Variants in CRB1 observed in about 807,000 individuals in gnomAD.
CRB1 encodes crumbs cell polarity complex component 1, also known as protein crumbs homolog 1.
In CRB1, 83 loss-of-function variants were observed where a neutral mutation model predicts 120.0. The observed-to-expected ratio is 0.69, with a 90% confidence interval of 0.58 to 0.83. The LOEUF is 0.83. Ranked by LOEUF, CRB1 falls within the 40% of genes least tolerant of loss-of-function variation. The pLI is 0.00. For missense variants in CRB1, 1,699 were observed against 1,687.6 expected (o/e 1.01, Z -0.12); for synonymous variants, 625 against 612.5 (o/e 1.02, Z -0.30).
chr1:197,287,970 AAAAC>A (rs1655929380), intron 1 of CRB1, among the ~76,000 whole-genome samples: 1 of 151,818 alleles, frequency 6.6e-6, no homozygotes, highest in Non-Finnish European at 1.5e-5. Context: ...TAAGAAATGG[AAAAC>A]AAACAAGGTG....
At chr1:197,346,699 C>A (rs1275177406) in intron 3 of CRB1, among the ~76,000 whole-genome samples, 2 of 152,158 alleles carry the variant, frequency 1.3e-5, no homozygotes, top group South Asian at 2.1e-4. Context: ...ATAAAATCAA[C>A]AACTTTCTTC....
At chr1:197,252,664 A>G in the CRB1 span, among the ~76,000 whole-genome samples, 1 of 144,234 alleles carries the variant, frequency 6.9e-6, no homozygotes, top group Non-Finnish European at 1.5e-5. Flanking sequence ...ATATATATAA[A>G]ATAAAACTTA....
rs1558125058 is a variant in CRB1 at position 197,420,916 on chromosome 1, G to T, written c.1172-84G>T. 6.4e-6 allele frequency: 6 copies of T among 942,184 alleles called. No homozygotes were observed. The East Asian group carries it at 1.2e-4, about 19-fold the overall frequency. 58.4% of individuals were successfully genotyped at this position (942,184 alleles called of 1,614,324 possible). A position where few individuals can be genotyped will look rare whatever the true frequency, so the allele number is the denominator to read the frequency against. On this transcript the variant is annotated intron_variant, in intron 5 of 11. Coordinates refer to ENST00000367400, the MANE Select transcript of CRB1 (RefSeq NM_201253.3). The stretch of plus-strand genomic sequence containing the variant: ...AAACCTGAGCTATTCATGCACTTCT[G>T]CAAGATTATACAAGTAAATTACGTG...
chr1:197,472,937 T>C (rs1667045176), intron 11 of CRB1, among the ~76,000 whole-genome samples: 1 of 152,192 alleles, frequency 6.6e-6, no homozygotes, highest in Admixed American at 6.5e-5. Flanking sequence ...GTATGTCCTA[T>C]GAGAAGCTCT....
the CRB1 span, among the ~76,000 whole-genome samples, chr1:197,217,646 A>G: frequency 6.6e-6 from 1 of 152,170 alleles, no homozygotes; most frequent in African/African-American, 2.4e-5. Context: ...GTAGATTAGT[A>G]GTTGGTAGGG....
Position 197,385,910 on chromosome 1 carries a change from G to A in CRB1, c.1171+28897G>A, listed in dbSNP as rs79651073. Among the ~76,000 whole-genome samples, 110 of 152,118 alleles carry A rather than the reference G, an allele frequency of 7.2e-4. 1 individual carries two copies. In the East Asian group the frequency reaches 0.02, roughly 28 times the overall value. ...CAGAAGTGGTTAAAAAACAATCTAA[G>A]GGCTTGAAATTGTAATTGAGTTAGA... On this transcript the variant is annotated intron_variant, in intron 5 of 11. Coordinates refer to ENST00000367400, the MANE Select transcript of CRB1 (RefSeq NM_201253.3).
intron 9 of CRB1, 78 bp downstream of exon 9, chr1:197,435,690 T>C: frequency 7.8e-7 from 1 of 1,289,616 alleles, no homozygotes; most frequent in South Asian, 1.3e-5. Context: ...TGGAAAGCTC[T>C]CTCCTCAAGG....
intron 1 of CRB1, among the ~76,000 whole-genome samples, chr1:197,293,867 A>G (rs1367432051): frequency 6.6e-6 from 1 of 152,194 alleles, no homozygotes; most frequent in Non-Finnish European, 1.5e-5. Flanking sequence ...CATATGTAGA[A>G]AGCTGAAACT....
chr1:197,285,997 C>T (rs915830576), intron 1 of CRB1, among the ~76,000 whole-genome samples: 1 of 151,710 alleles, frequency 6.6e-6, no homozygotes, highest in Non-Finnish European at 1.5e-5. Flanking sequence ...GAGGTCACAA[C>T]GTTTCCTGTG....
At chr1:197,451,943 A>G (rs1665995068) in intron 11 of CRB1, among the ~76,000 whole-genome samples, 1 of 152,198 alleles carries the variant, frequency 6.6e-6, no homozygotes, top group Non-Finnish European at 1.5e-5. Flanking sequence ...TGACATTTTG[A>G]CTGATAAAAA....
At position 197,427,468 on chromosome 1, in the gene CRB1, A is replaced by G; in HGVS notation, c.2143A>G (p.Arg715Gly). 3 of 1,613,624 alleles carry G rather than the reference A, an allele frequency of 1.9e-6. No homozygotes were observed. The highest frequency in any genetic ancestry group is 2.5e-6 in the Non-Finnish European group (3 of 1,179,900). ...TGACATTGAAGAGTATGTGGCAGGC[A>G]GATTTGGCCAGGATGACTCCACTGG... ...PNCLREYVAG[R>G]FGQDDSTGYV... Residue 715 changes from arginine (R) to glycine (G), a missense_variant, in exon 7 of 12, where the codon AGA becomes GGA. Transcript: ENST00000367400.
the CRB1 span, chr1:197,222,584 G>C: frequency 1.3e-6 from 1 of 769,184 alleles, no homozygotes; most frequent in Non-Finnish European, 2.4e-6. Context: ...CTGTTGTTTT[G>C]CAGTTGGCTC....
chr1:197,449,020 A>G (rs987476532), intron 11 of CRB1, among the ~76,000 whole-genome samples: 2 of 152,214 alleles, frequency 1.3e-5, no homozygotes, highest in African/African-American at 2.4e-5. Context: ...ATCATGATAC[A>G]CTTATAGCTA....
At position 197,461,512 on chromosome 1, in the gene CRB1, T is replaced by C. The variant is rs144494232; in HGVS notation, c.4006-16152T>C. Among the ~76,000 whole-genome samples, 107 of 152,250 alleles carry C rather than the reference T, an allele frequency of 7.0e-4. No individual in the cohort carries two copies. In the East Asian group the frequency reaches 0.02, roughly 28 times the overall value. On this transcript the variant is annotated intron_variant, in intron 11 of 11. Transcript: ENST00000367400. ...GCATTTGAGTGGCTGCCTCTTCAAA[T>C]TAAATATTCTGTGACAGAAGAGTAG...
chr1:197,209,360 T>TTTTG, the CRB1 span, among the ~76,000 whole-genome samples: 3 of 137,988 alleles, frequency 2.2e-5, no homozygotes, highest in Non-Finnish European at 5.0e-5. Context: ...GTTTTGTTTT[T>TTTTG]TTGAGATGGA....
intron 5 of CRB1, among the ~76,000 whole-genome samples, chr1:197,371,416 C>A (rs551799520): frequency 6.6e-6 from 1 of 152,230 alleles, no homozygotes; most frequent in South Asian, 2.1e-4. Flanking sequence ...CTCTACTTCC[C>A]AAGATGAGCC....
chr1:197,461,429 A>G (rs994576220), intron 11 of CRB1, among the ~76,000 whole-genome samples: 1 of 152,142 alleles, frequency 6.6e-6, no homozygotes, highest in African/African-American at 2.4e-5. Context: ...TGGGATGGAA[A>G]GAGCCTGGGG....
chr1:197,309,644 T>C (rs1300229499), intron 1 of CRB1, among the ~76,000 whole-genome samples: 1 of 151,710 alleles, frequency 6.6e-6, no homozygotes, highest in Non-Finnish European at 1.5e-5. Flanking sequence ...GTCCCAGCTA[T>C]GCGGGAGGCT....
the CRB1 span, among the ~76,000 whole-genome samples, chr1:197,237,830 CT>C: frequency 6.6e-6 from 1 of 152,026 alleles, no homozygotes; most frequent in Non-Finnish European, 1.5e-5. Flanking sequence ...CTGATTTTCT[CT>C]TTTGTTTTCA....
Sources: allele counts gnomAD v4.1 joint callset (sites outside exome capture counted in the v4.1 genomes callset), GRCh38; gene constraint gnomAD v4.1.1; transcripts MANE v1.5; gene names NCBI Gene and HGNC (gene_info 2026-07-23, HGNC 2026-07-21).